STARD13: variants seen among roughly 807,000 people sequenced by gnomAD.
STARD13 encodes the protein stAR-related lipid transfer protein 13.
A neutral mutation model predicts 106.4 loss-of-function variants in STARD13; 62 were observed. The ratio of observed to expected loss-of-function variants is 0.58; its 90% CI spans 0.48 to 0.72. The LOEUF (loss-of-function observed/expected upper bound fraction) is 0.72, where lower values mean the gene tolerates loss of function less well. Ranked by LOEUF, STARD13 falls within the 30% of genes least tolerant of loss-of-function variation. STARD13 has a pLI of 0.00. For synonymous variants in STARD13, 565 were observed against 553.0 expected (o/e 1.02, Z -0.31); for missense variants, 1,387 against 1,424.0 (o/e 0.97, Z 0.42).
At chr13:33,580,968 G>T in the STARD13 span, among the ~76,000 whole-genome samples, 1 of 152,094 alleles carries the variant, frequency 6.6e-6, no homozygotes, top group Non-Finnish European at 1.5e-5. Flanking sequence ...AGTTTCAGTT[G>T]TCTTGAAGAC....
the STARD13 span, among the ~76,000 whole-genome samples, chr13:33,391,847 A>G: frequency 6.6e-6 from 1 of 151,882 alleles, no homozygotes; most frequent in African/African-American, 2.4e-5. Context: ...GCCACATGGA[A>G]GAGGCCTCTT....
At chr13:33,319,104 C>T (rs2138523051) in intron 1 of STARD13, among the ~76,000 whole-genome samples, 1 of 152,282 alleles carries the variant, frequency 6.6e-6, no homozygotes, top group African/African-American at 2.4e-5. Context: ...TGTGAATGCT[C>T]ACAGCATTAT....
chr13:33,254,260 G>A (rs1281497799), intron 1 of STARD13, among the ~76,000 whole-genome samples: 4 of 152,174 alleles, frequency 2.6e-5, no homozygotes, highest in Non-Finnish European at 5.9e-5. Flanking sequence ...TCAACAGAGT[G>A]GATATGCCAA....
At chr13:33,601,945 T>A in the STARD13 span, among the ~76,000 whole-genome samples, 1 of 152,180 alleles carries the variant, frequency 6.6e-6, no homozygotes, top group Non-Finnish European at 1.5e-5. Context: ...GAGAATGGCT[T>A]TAAGCAGTCG....
intron 7 of STARD13, among the ~76,000 whole-genome samples, chr13:33,118,736 G>A (rs923672331): frequency 2.0e-5 from 3 of 152,170 alleles, no homozygotes; most frequent in Non-Finnish European, 4.4e-5. Context: ...TGTGGGTCGT[G>A]GATGAAAGAA....
chr13:33,180,071 A>G (rs1204320499), intron 1 of STARD13, among the ~76,000 whole-genome samples: 2 of 152,240 alleles, frequency 1.3e-5, no homozygotes, highest in Non-Finnish European at 2.9e-5. Flanking sequence ...TTTGCAGTCC[A>G]CAGAATGTTT....
intron 3 of STARD13, among the ~76,000 whole-genome samples, chr13:33,153,350 T>C (rs375430160): frequency 6.6e-6 from 1 of 152,212 alleles, no homozygotes; most frequent in South Asian, 2.1e-4. Context: ...AATCGAGCTG[T>C]GCACAGACTG....
At chr13:33,495,109 A>T in the STARD13 span, among the ~76,000 whole-genome samples, 1 of 152,186 alleles carries the variant, frequency 6.6e-6, no homozygotes, top group Non-Finnish European at 1.5e-5. Flanking sequence ...AATGCCAGAT[A>T]CTTCTAGCTC....
In STARD13 at chr13:33,118,103, G is replaced by C; in HGVS notation, c.2243C>G (p.Thr748Ser). 1 of 1,614,190 alleles carries C rather than the reference G, an allele frequency of 6.2e-7. No homozygotes were observed. The highest frequency in any genetic ancestry group is 8.5e-7 in the Non-Finnish European group (1 of 1,180,046). The part of the protein sequence containing the change: ...FFRDLPEPLF[T>S]NKLSETFLHI... Reference sequence around the variant, plus strand: ...GAGAAAGGTCTCACTGAGCTTGTTGGTGAAAAGAGGCTCAGGGAGGTCCCG... The same window carrying C: ...GAGAAAGGTCTCACTGAGCTTGTTGCTGAAAAGAGGCTCAGGGAGGTCCCG... Residue 748 changes from threonine to serine, a missense_variant, in exon 8 of 14, where the codon ACC becomes AGC. Coordinates refer to ENST00000336934, the MANE Select transcript of STARD13 (RefSeq NM_178006.4).
At chr13:33,138,647 T>A in intron 4 of STARD13, 1 of 270,376 alleles carries the variant, frequency 3.7e-6, no homozygotes. Context: ...CGGGCCTGCC[T>A]GTTTGGAAGC....
At chr13:33,311,415 T>C (rs995437058) in intron 1 of STARD13, among the ~76,000 whole-genome samples, 1 of 152,244 alleles carries the variant, frequency 6.6e-6, no homozygotes, top group Non-Finnish European at 1.5e-5. Flanking sequence ...AACATCATTT[T>C]ATGGCATATG....
chr13:33,587,938 G>A, the STARD13 span, among the ~76,000 whole-genome samples: 105 of 152,150 alleles, frequency 6.9e-4, no homozygotes, highest in African/African-American at 2.3e-3. Context: ...TAAATAAAAA[G>A]TATAATTAAA....
chr13:33,127,636 C>A (rs960594351), intron 5 of STARD13, 90 bp from the exon 6 acceptor site: 48 of 1,314,396 alleles, frequency 3.7e-5, no homozygotes, highest in South Asian at 1.0e-4. Context: ...CGCAGCTAAT[C>A]AAGATAGCAG....
the STARD13 span, among the ~76,000 whole-genome samples, chr13:33,612,721 T>G: frequency 6.6e-6 from 1 of 152,202 alleles, no homozygotes; most frequent in African/African-American, 2.4e-5. Flanking sequence ...CTGGGCCCCA[T>G]GCAAATTTAG....
At chr13:33,260,866 G>A (rs1369024274) in intron 1 of STARD13, among the ~76,000 whole-genome samples, 1 of 152,124 alleles carries the variant, frequency 6.6e-6, no homozygotes, top group Non-Finnish European at 1.5e-5. Flanking sequence ...GAATTTTCAG[G>A]AAATCTGATA....
intron 3 of STARD13, among the ~76,000 whole-genome samples, chr13:33,146,393 AG>A (rs1246925049): frequency 8.6e-5 from 13 of 152,022 alleles, no homozygotes; most frequent in Admixed American, 4.6e-4. Flanking sequence ...CTGAAGTGAG[AG>A]GATCACTTGA....
the STARD13 span, among the ~76,000 whole-genome samples, chr13:33,569,851 C>G: frequency 6.8e-6 from 1 of 147,084 alleles, no homozygotes; most frequent in African/African-American, 2.5e-5. Context: ...TATGCTTGTT[C>G]GTGTTAAAAA....
intron 1 of STARD13, among the ~76,000 whole-genome samples, chr13:33,184,880 A>T (rs1258387627): frequency 6.6e-6 from 1 of 152,232 alleles, no homozygotes; most frequent in Admixed American, 6.5e-5. Flanking sequence ...AAATAAACAG[A>T]TACTTCCAAT....
intron 1 of STARD13, among the ~76,000 whole-genome samples, chr13:33,294,769 A>G (rs1001564737): frequency 6.6e-6 from 1 of 152,322 alleles, no homozygotes; most frequent in East Asian, 1.9e-4. Flanking sequence ...TACTTCAGGT[A>G]GGATTCTATA....
Sources: gnomAD v4.1 joint callset for allele counts (sites outside exome capture counted in the v4.1 genomes callset) on GRCh38, gnomAD v4.1.1 for gene constraint, MANE v1.5 for transcripts, NCBI Gene and HGNC (gene_info 2026-07-23, HGNC 2026-07-21) for gene names.